The following ABHD2 variants were observed in gnomAD, a reference collection of about 807,000 sequenced individuals.
ABHD2 encodes abhydrolase domain containing 2, acylglycerol lipase.
ABHD2 carries 20 observed loss-of-function variants against 48.1 expected under a neutral mutation model. The observed-to-expected ratio is 0.42, with a 90% CI of 0.29 to 0.60. ABHD2 has a LOEUF of 0.60. Among genes scored for constraint, ABHD2 ranks in the 20% least tolerant of loss-of-function variants. The pLI is 0.24. For synonymous variants in ABHD2, 209 were observed against 214.2 expected, an observed-to-expected ratio of 0.98 and a Z score of 0.21; for missense variants, 405 against 550.9, an observed-to-expected ratio of 0.74 and a Z score of 2.65.
At chr15:89,127,710 TATATATATACAC>T (rs1400203929) in intron 3 of ABHD2, among the ~76,000 whole-genome samples, 3 of 88,422 alleles carry the variant, frequency 3.4e-5, no homozygotes, top group African/African-American at 1.9e-4. Flanking sequence ...TATATACATA[TATATATATACAC>T]ATATATATAT....
At chr15:89,081,547 CAT>C in the ABHD2 span, among the ~76,000 whole-genome samples, 1 of 152,114 alleles carries the variant, frequency 6.6e-6, no homozygotes, top group Non-Finnish European at 1.5e-5. Context: ...CATTTAAAAA[CAT>C]AAATTTAAAA....
chr15:89,108,393 T>A (rs12102212), intron 1 of ABHD2, among the ~76,000 whole-genome samples: 6,975 of 152,262 alleles, frequency 0.046, 541 homozygotes, highest in African/African-American at 0.16. Context: ...TGTCTTTGTA[T>A]CCAGATTTCA....
the ABHD2 span, among the ~76,000 whole-genome samples, chr15:89,069,667 ATTTACTC>A: frequency 2.3e-5 from 1 of 42,606 alleles, no homozygotes; most frequent in African/African-American, 7.7e-5. Flanking sequence ...CATCTTGTTC[ATTTACTC>A]TTTTTTTTTT....
At chr15:89,156,373 G>A (rs1305995375) in intron 5 of ABHD2, among the ~76,000 whole-genome samples, 1 of 151,866 alleles carries the variant, frequency 6.6e-6, no homozygotes, top group African/African-American at 2.4e-5. Flanking sequence ...TGCCCACCTC[G>A]GCCTCCCGAA....
chr15:89,049,484 C>G, the ABHD2 span, among the ~76,000 whole-genome samples: 1 of 152,240 alleles, frequency 6.6e-6, no homozygotes, highest in Non-Finnish European at 1.5e-5. Flanking sequence ...GCCCCTCCCC[C>G]AGCCTCGCTG....
At chr15:89,087,550 T>C (rs546818814), upstream of ABHD2, 56 of 152,198 alleles carry the variant, frequency 3.7e-4, no homozygotes, top group Admixed American at 1.2e-3. The surrounding 1 kb of genome is among the most constrained non-coding windows in gnomAD (Gnocchi z 5.5). Flanking sequence ...TCAGCCTTGA[T>C]TGAATGCCTG....
chr15:89,123,294 C>G (rs1026058724), intron 3 of ABHD2, among the ~76,000 whole-genome samples: 1 of 152,142 alleles, frequency 6.6e-6, no homozygotes, highest in South Asian at 2.1e-4. Flanking sequence ...GTGGTTTTCC[C>G]TTTTTCTCTT....
the ABHD2 span, among the ~76,000 whole-genome samples, chr15:89,072,102 G>A: frequency 2.0e-5 from 3 of 152,178 alleles, no homozygotes; most frequent in South Asian, 2.1e-4. Flanking sequence ...AAATGTCTCC[G>A]TTAGAAACCT....
At chr15:89,067,047 T>G in the ABHD2 span, among the ~76,000 whole-genome samples, 1 of 152,102 alleles carries the variant, frequency 6.6e-6, no homozygotes, top group African/African-American at 2.4e-5. Flanking sequence ...AGATGTGAAT[T>G]GATGGTGGGG....
chr15:89,201,045 G>T lies in ABHD2; in HGVS notation c.*5622G>T. The T allele has an allele frequency of 1.4e-6, 1 of 707,876 alleles. No individual in the cohort carries two copies. The highest frequency in any genetic ancestry group is 2.6e-5 in the East Asian group (1 of 38,018). 43.8% of individuals were successfully genotyped at this position (707,876 alleles called of 1,614,324 possible). A position where few individuals can be genotyped will look rare whatever the true frequency, so the allele number is the denominator to read the frequency against. On this transcript the variant is annotated 3_prime_UTR_variant, in exon 11 of 11. Transcript: ENST00000352732. ...TGCAGTGAGCCGAGATCACGCCTCT[G>T]CACTCCAGCCTGGGCAACAAGAGTG...
chr15:89,161,425 C>T (rs115426961), intron 5 of ABHD2, among the ~76,000 whole-genome samples: 3 of 151,942 alleles, frequency 2.0e-5, no homozygotes, highest in Non-Finnish European at 1.5e-5. Flanking sequence ...TTCTGAGACA[C>T]TGTCTCACTC....
chr15:89,181,737 C>G (rs1201766909), intron 6 of ABHD2, among the ~76,000 whole-genome samples: 1 of 152,178 alleles, frequency 6.6e-6, no homozygotes, highest in African/African-American at 2.4e-5. Context: ...GACTTTAATT[C>G]GTTTTCATCA....
At chr15:89,112,897 C>G (rs922751027) in intron 1 of ABHD2, among the ~76,000 whole-genome samples, 1 of 152,216 alleles carries the variant, frequency 6.6e-6, no homozygotes, top group Admixed American at 6.5e-5. Context: ...GTCTCAGTTA[C>G]CTTGTCTATA....
chr15:89,176,084 C>G lies in ABHD2; in HGVS notation c.722+89C>G. 1.5e-6 allele frequency: 2 copies of G among 1,359,024 alleles called. No individual in the cohort carries two copies. The highest frequency in any genetic ancestry group is 2.0e-6 in the Non-Finnish European group (2 of 1,001,894). 84.2% of individuals were successfully genotyped at this position (1,359,024 alleles called of 1,614,324 possible). On this transcript the variant is annotated intron_variant, in intron 6 of 10. Transcript: ENST00000352732. This position sits in a 1 kb window ranked among gnomAD's most constrained non-coding sequence, Gnocchi z 4.5. ...GCACAACACACTGTTCTGTGAAGAC[C>G]GGGGAACACTGTGGCCGACTGAGTA...
chr15:89,185,383 C>A lies in ABHD2; in HGVS notation c.723-41C>A. 6.4e-7 allele frequency: 1 copy of A among 1,572,918 alleles called. No individual in the cohort carries two copies. Among genetic ancestry groups the A allele is most frequent in the Non-Finnish European group, 8.7e-7 (1 of 1,143,670 alleles). ...CCCCCTCCTGGCTGCCCGCCTGCAC[C>A]CCCACACCGCAGTCACCCTCACTCG... On this transcript the variant is annotated intron_variant, in intron 6 of 10. Transcript: ENST00000352732. The surrounding 1 kb of genome is among the most constrained non-coding windows in gnomAD (Gnocchi z 5.9).
the ABHD2 span, among the ~76,000 whole-genome samples, chr15:89,049,216 G>C: frequency 6.6e-6 from 1 of 152,204 alleles, no homozygotes. Context: ...TCAGGCATCA[G>C]GGACCCACTT....
intron 3 of ABHD2, among the ~76,000 whole-genome samples, chr15:89,127,740 T>C (rs1596090693): frequency 7.1e-6 from 1 of 140,812 alleles, no homozygotes; most frequent in African/African-American, 2.7e-5. Context: ...TATATATATA[T>C]GTATATTTTA....
At chr15:89,082,315 C>T in the ABHD2 span, among the ~76,000 whole-genome samples, 17 of 152,318 alleles carry the variant, frequency 1.1e-4, no homozygotes, top group South Asian at 3.5e-3. The surrounding 1 kb of genome is among the most constrained non-coding windows in gnomAD (Gnocchi z 4.4). Flanking sequence ...GATGTTTGCT[C>T]TGCAACTATG....
intron 1 of ABHD2, among the ~76,000 whole-genome samples, chr15:89,103,334 A>T (rs2049730802): frequency 6.6e-6 from 1 of 152,116 alleles, no homozygotes; most frequent in Non-Finnish European, 1.5e-5. Flanking sequence ...TGCATATTTT[A>T]TTATTTTAAG....
Sources: allele counts gnomAD v4.1 joint callset (sites outside exome capture counted in the v4.1 genomes callset), GRCh38; gene constraint gnomAD v4.1.1; non-coding constraint Gnocchi (gnomAD v3.1); transcripts MANE v1.5; gene names NCBI Gene and HGNC (gene_info 2026-07-23, HGNC 2026-07-21).